Variants in RPS6KC1 observed in about 807,000 individuals in gnomAD.
The protein encoded by RPS6KC1 is inactive ribosomal protein S6 kinase delta-1.
Under a neutral mutation model 103.8 loss-of-function variants are expected in RPS6KC1, and 54 were observed. That is an observed-to-expected ratio of 0.52 (90% CI 0.42 to 0.65). The LOEUF (loss-of-function observed/expected upper bound fraction) is 0.65, where lower values mean the gene tolerates loss of function less well. RPS6KC1 is among the 30% of genes least tolerant of loss of function. RPS6KC1 has a pLI of 0.00. For missense variants in RPS6KC1, 1,151 were observed against 1,253.8 expected, an observed-to-expected ratio of 0.92 and a Z score of 1.24; for synonymous variants, 439 against 438.7, an observed-to-expected ratio of 1.00 and a Z score of -0.01.
chr1:213,220,169 GGTAAGA>G, intron 8 of RPS6KC1, among the ~76,000 whole-genome samples: 1 of 53,496 alleles, frequency 1.9e-5, no homozygotes, highest in South Asian at 9.4e-4. Context: ...TTAAATGTAG[GGTAAGA>G]TAAATGTCCT....
chr1:213,155,969 C>G (rs983684119), intron 6 of RPS6KC1, among the ~76,000 whole-genome samples: 1 of 152,156 alleles, frequency 6.6e-6, no homozygotes, highest in Non-Finnish European at 1.5e-5. Context: ...AAACACCCAC[C>G]ACCCAACATG....
intron 8 of RPS6KC1, among the ~76,000 whole-genome samples, chr1:213,186,138 C>T (rs1390278841): frequency 1.3e-5 from 2 of 151,238 alleles, no homozygotes; most frequent in Non-Finnish European, 2.9e-5. Flanking sequence ...TCACTGTTAA[C>T]AGTAGTATAG....
the RPS6KC1 span, among the ~76,000 whole-genome samples, chr1:213,658,208 C>A: frequency 2.0e-5 from 3 of 152,188 alleles, no homozygotes; most frequent in Admixed American, 2.0e-4. Flanking sequence ...GTCTAGGAAC[C>A]TGTATCATCA....
intron 8 of RPS6KC1, among the ~76,000 whole-genome samples, chr1:213,199,720 G>A (rs1558523182): frequency 6.6e-6 from 1 of 151,686 alleles, no homozygotes; most frequent in East Asian, 1.9e-4. Context: ...TTTGCACAGT[G>A]CTATATCTAG....
At chr1:213,673,575 A>T in the RPS6KC1 span, among the ~76,000 whole-genome samples, 1 of 152,188 alleles carries the variant, frequency 6.6e-6, no homozygotes, top group African/African-American at 2.4e-5. Context: ...TACAAGCACT[A>T]TCTATAGAAA....
the RPS6KC1 span, among the ~76,000 whole-genome samples, chr1:213,293,205 T>C: frequency 2.6e-5 from 4 of 152,260 alleles, no homozygotes; most frequent in African/African-American, 9.6e-5. Flanking sequence ...TTAATGCTTA[T>C]TTAAAAACCA....
chr1:213,359,659 C>A, the RPS6KC1 span, among the ~76,000 whole-genome samples: 1 of 21,052 alleles, frequency 4.8e-5, no homozygotes, highest in African/African-American at 2.9e-4. Flanking sequence ...CATCGATGGT[C>A]TTTACAATTT....
At chr1:213,600,230 C>T in the RPS6KC1 span, among the ~76,000 whole-genome samples, 2 of 152,036 alleles carry the variant, frequency 1.3e-5, no homozygotes, top group Non-Finnish European at 2.9e-5. Flanking sequence ...TATAAGTTAC[C>T]CAGTCTCAGC....
the RPS6KC1 span, among the ~76,000 whole-genome samples, chr1:213,778,507 T>C: frequency 6.6e-6 from 1 of 152,174 alleles, no homozygotes; most frequent in African/African-American, 2.4e-5. Flanking sequence ...CAAGATGCTA[T>C]GGGAGAGTTT....
At chr1:213,168,674 G>A (rs754646173) in intron 7 of RPS6KC1, among the ~76,000 whole-genome samples, 3 of 151,650 alleles carry the variant, frequency 2.0e-5, no homozygotes, top group Non-Finnish European at 2.9e-5. Context: ...CCAGACTGGA[G>A]TGCAGTGGCA....
chr1:213,225,581 G>T (rs2093941597), intron 8 of RPS6KC1, among the ~76,000 whole-genome samples: 1 of 152,182 alleles, frequency 6.6e-6, no homozygotes, highest in Middle Eastern at 3.4e-3. Flanking sequence ...TAGAGACGAG[G>T]TTTCACCACG....
chr1:213,179,564 A>G (rs1348509637), intron 8 of RPS6KC1, among the ~76,000 whole-genome samples: 2 of 152,242 alleles, frequency 1.3e-5, no homozygotes, highest in Non-Finnish European at 2.9e-5. Flanking sequence ...GAATAAATTC[A>G]AAAGGTTAGA....
the RPS6KC1 span, among the ~76,000 whole-genome samples, chr1:213,627,337 T>A: frequency 6.6e-6 from 1 of 151,996 alleles, no homozygotes; most frequent in African/African-American, 2.4e-5. Context: ...GAAAATGGGG[T>A]TTTCTAGATA....
At chr1:213,225,430 C>T (rs1187972347) in intron 8 of RPS6KC1, among the ~76,000 whole-genome samples, 1 of 151,992 alleles carries the variant, frequency 6.6e-6, no homozygotes, top group Admixed American at 6.6e-5. Flanking sequence ...CACTCTTGCT[C>T]AGGCTGGAGT....
intron 1 of RPS6KC1, among the ~76,000 whole-genome samples, chr1:213,054,607 T>C (rs1171896338): frequency 6.6e-6 from 1 of 152,186 alleles, no homozygotes; most frequent in Non-Finnish European, 1.5e-5. Flanking sequence ...CCTTGCAGGG[T>C]TATTTCTGTA....
At chr1:213,789,202 C>T in the RPS6KC1 span, among the ~76,000 whole-genome samples, 1 of 152,118 alleles carries the variant, frequency 6.6e-6, no homozygotes, top group Non-Finnish European at 1.5e-5. Context: ...TGTGGTTGCA[C>T]ACCAACTATT....
the RPS6KC1 span, among the ~76,000 whole-genome samples, chr1:213,314,122 G>T: frequency 6.6e-6 from 1 of 151,770 alleles, no homozygotes; most frequent in African/African-American, 2.4e-5. Flanking sequence ...GGCCTTCCTT[G>T]GCTTGAGGCT....
chr1:213,306,065 C>T, the RPS6KC1 span, among the ~76,000 whole-genome samples: 2 of 152,166 alleles, frequency 1.3e-5, no homozygotes, highest in Non-Finnish European at 2.9e-5. Flanking sequence ...GGCAGCTCTC[C>T]TTCAATGGAG....
chr1:213,568,866 G>A, the RPS6KC1 span, among the ~76,000 whole-genome samples: 1 of 152,206 alleles, frequency 6.6e-6, no homozygotes, highest in Admixed American at 6.5e-5. Flanking sequence ...GTGAGTCAAG[G>A]AGAAAAGATG....
Sources: allele counts gnomAD v4.1 joint callset (sites outside exome capture counted in the v4.1 genomes callset), GRCh38; gene constraint gnomAD v4.1.1; transcripts MANE v1.5; gene names NCBI Gene and HGNC (gene_info 2026-07-23, HGNC 2026-07-21).